ARL6: variants seen among roughly 807,000 people sequenced by gnomAD.
The protein encoded by ARL6 is ARF like GTPase 6.
In ARL6, 18 loss-of-function variants were observed where a neutral mutation model predicts 27.1. That is an observed-to-expected ratio of 0.66 (90% CI 0.46 to 0.98). The LOEUF is 0.98. ARL6 is among the 50% of genes least tolerant of loss of function. The pLI, the probability that ARL6 is intolerant of heterozygous loss-of-function variation, is 0.00. For missense variants in ARL6, 187 were observed against 214.9 expected, an observed-to-expected ratio of 0.87 and a Z score of 0.81; for synonymous variants, 65 against 72.3, an observed-to-expected ratio of 0.90 and a Z score of 0.51.
Position 97,799,913 on chromosome 3 carries a change from G to A in ARL6, c.*1864G>A, listed in dbSNP as rs1244216571. 6.6e-6 allele frequency: 1 copy of A among 152,092 alleles called. No individual in the cohort carries two copies. Among genetic ancestry groups the A allele is most frequent in the Non-Finnish European group, 1.5e-5 (1 of 67,962 alleles). 9.4% of individuals were successfully genotyped at this position (152,092 alleles called of 1,614,324 possible). On this transcript the variant is annotated 3_prime_UTR_variant, in exon 8 of 8. Transcript: ENST00000463745. ...TATCTGCCAGAATAACAATTAAAAT[G>A]ATAGAAAAGGCTCTTACTTGGGACA...
chr3:97,782,598 T>C (rs1251974922), intron 4 of ARL6, among the ~76,000 whole-genome samples: 1 of 151,994 alleles, frequency 6.6e-6, no homozygotes, highest in East Asian at 1.9e-4. Flanking sequence ...CCTGTGAGAA[T>C]GTAATATCTT....
intron 2 of ARL6, among the ~76,000 whole-genome samples, chr3:97,768,479 C>G (rs2036490267): frequency 6.6e-6 from 1 of 151,918 alleles, no homozygotes; most frequent in African/African-American, 2.4e-5. Flanking sequence ...ACTGAGTTTA[C>G]TTTAAATGTC....
rs1014572587 is a variant in ARL6, at chr3:97,776,799, G to A, written c.124-3360G>A. 1.1e-4 allele frequency among the ~76,000 whole-genome samples: 16 copies of A among 152,086 alleles called. No individual in the cohort carries two copies. In the South Asian group the frequency reaches 1.4e-3, roughly 14 times the overall value. On this transcript the variant is annotated intron_variant, in intron 2 of 7. Coordinates refer to ENST00000463745, the MANE Select transcript of ARL6 (RefSeq NM_001278293.3). Reference sequence around the variant, plus strand: ...AGTCTCCTGAGTAGCTGGGATTACAGGCACGCGCCACCACACCCCACTACT... The same window carrying A: ...AGTCTCCTGAGTAGCTGGGATTACAAGCACGCGCCACCACACCCCACTACT...
chr3:97,798,314 T>A lies in ARL6; in HGVS notation c.*265T>A, dbSNP rs2038098600. 1 of 355,220 alleles carries A rather than the reference T, an allele frequency of 2.8e-6. No individual in the cohort carries two copies. Among genetic ancestry groups the A allele is most frequent in the Non-Finnish European group, 5.2e-6 (1 of 193,502 alleles). 22.0% of individuals were successfully genotyped at this position (355,220 alleles called of 1,614,324 possible). A position where few individuals can be genotyped will look rare whatever the true frequency, so the allele number is the denominator to read the frequency against. ...CTACATTTGATTGTACGTAGAATGT[T>A]TAAAAGTCAGTTATAAGCCATCTCA... On this transcript the variant is annotated 3_prime_UTR_variant, in exon 8 of 8. Coordinates refer to ENST00000463745, the MANE Select transcript of ARL6 (RefSeq NM_001278293.3).
chr3:97,788,922 A>G (rs2037591565), intron 6 of ARL6, among the ~76,000 whole-genome samples: 1 of 152,210 alleles, frequency 6.6e-6, no homozygotes, highest in Non-Finnish European at 1.5e-5. Flanking sequence ...CTCTGCTGTA[A>G]GAGGTCCTTT....
In ARL6 at chr3:97,797,962, A is replaced by G. The variant is rs1301825658; in HGVS notation, c.536-62A>G. 5 of 1,466,242 alleles carry G rather than the reference A, an allele frequency of 3.4e-6. No individual in the cohort carries two copies. In the East Asian group the frequency reaches 1.1e-4, roughly 33 times the overall value. The allele number at this position is 1,466,242 out of a possible 1,614,324, so 90.8% of individuals were successfully genotyped here. A position where few individuals can be genotyped will look rare whatever the true frequency, so the allele number is the denominator to read the frequency against. On this transcript the variant is annotated intron_variant, in intron 7 of 7. Coordinates refer to ENST00000463745, the MANE Select transcript of ARL6 (RefSeq NM_001278293.3). ...ATGTTGTATAGATTTGACTTAGATTACTTTAGAAAATAGATTTTGCCCTAT... is the reference window on the plus strand; with the variant it reads ...ATGTTGTATAGATTTGACTTAGATTGCTTTAGAAAATAGATTTTGCCCTAT...
At chr3:97,767,106 T>C (rs373106688) in intron 1 of ARL6, among the ~76,000 whole-genome samples, 1 of 152,292 alleles carries the variant, frequency 6.6e-6, no homozygotes, top group South Asian at 2.1e-4. Context: ...TATTTTTGGA[T>C]TGCTGATAGT....
At chr3:97,786,935 C>G (rs2037486881) in intron 5 of ARL6, among the ~76,000 whole-genome samples, 1 of 152,134 alleles carries the variant, frequency 6.6e-6, no homozygotes, top group African/African-American at 2.4e-5. Flanking sequence ...TGGAAACACT[C>G]ATTCTTATAC....
intron 4 of ARL6, 67 bp from the exon 5 acceptor site, chr3:97,784,888 A>G (rs2037373292): frequency 1.7e-5 from 19 of 1,135,238 alleles, no homozygotes; most frequent in Non-Finnish European, 2.4e-5. Flanking sequence ...GGAAATGCCC[A>G]TGGATAATAA....
At chr3:97,786,017 G>T (rs993322135) in intron 5 of ARL6, among the ~76,000 whole-genome samples, 1 of 152,028 alleles carries the variant, frequency 6.6e-6, no homozygotes, top group African/African-American at 2.4e-5. Flanking sequence ...AAAATTATCC[G>T]CCCTGTACAT....
Position 97,791,777 on chromosome 3 carries a change from T to C in ARL6, c.486T>C (p.Ser162=), listed in dbSNP as rs200126831. 1.2e-6 allele frequency: 2 copies of C among 1,613,676 alleles called. No homozygotes were observed. The highest frequency in any genetic ancestry group is 2.2e-5 in the East Asian group (1 of 44,780). The change falls in exon 7 of 8, where the codon AGT becomes AGC. Residue 162 remains serine (S), a synonymous_variant. Transcript: ENST00000463745. ...CTTATGGATTTCATTTCAGTGCTAG[T>C]GATGCCATAAAAGGAGAAGGCTTGC... The part of the protein sequence containing the change: ...IKDKPWHICA[S]DAIKGEGLQE...
chr3:97,792,601 T>C (rs934082996), intron 7 of ARL6, among the ~76,000 whole-genome samples: 1 of 152,208 alleles, frequency 6.6e-6, no homozygotes, highest in African/African-American at 2.4e-5. Flanking sequence ...TTATTGATAT[T>C]TTGTATATTT....
intron 2 of ARL6, among the ~76,000 whole-genome samples, chr3:97,779,649 A>G (rs1055352180): frequency 6.6e-6 from 1 of 151,998 alleles, no homozygotes; most frequent in African/African-American, 2.4e-5. Flanking sequence ...GGCAGATCAC[A>G]AGGTTAGGAG....
At chr3:97,779,857 C>A (rs1451141638) in intron 2 of ARL6, among the ~76,000 whole-genome samples, 2 of 149,536 alleles carry the variant, frequency 1.3e-5, no homozygotes, top group African/African-American at 2.5e-5. Context: ...CAGAGTGAGA[C>A]TCTATCTCAA....
chr3:97,797,406 C>T (rs2038054525), intron 7 of ARL6, among the ~76,000 whole-genome samples: 1 of 151,998 alleles, frequency 6.6e-6, no homozygotes, highest in South Asian at 2.1e-4. Flanking sequence ...CCTGTCTTAG[C>T]TGTGAATAGC....
At chr3:97,769,993 T>C (rs1342253438) in intron 2 of ARL6, among the ~76,000 whole-genome samples, 4 of 152,084 alleles carry the variant, frequency 2.6e-5, no homozygotes, top group Admixed American at 2.6e-4. Context: ...TGCTATAAAC[T>C]TGGGAGTGCA....
chr3:97,771,056 G>A (rs1020944377), intron 2 of ARL6, among the ~76,000 whole-genome samples: 2 of 151,946 alleles, frequency 1.3e-5, no homozygotes, highest in African/African-American at 4.8e-5. Context: ...TTCTGTGAAT[G>A]TTATTGGTAT....
rs570207858 is a variant in ARL6, at chr3:97,798,281, G to A, written c.*232G>A. 1.6e-5 allele frequency: 8 copies of A among 490,302 alleles called. 1 individual carries two copies. The South Asian group carries it at 1.8e-4, about 11-fold the overall frequency. The allele number at this position is 490,302 out of a possible 1,614,324, so 30.4% of individuals were successfully genotyped here. Reference sequence around the variant, plus strand: ...GCTCCCTAGAATTATCAAGTTCTTAGTGAAGGTCTACATTTGATTGTACGT... The same window carrying A: ...GCTCCCTAGAATTATCAAGTTCTTAATGAAGGTCTACATTTGATTGTACGT... On this transcript the variant is annotated 3_prime_UTR_variant, in exon 8 of 8. Transcript: ENST00000463745.
intron 7 of ARL6, among the ~76,000 whole-genome samples, chr3:97,794,533 TGTAA>T (rs2037907358): frequency 6.6e-6 from 1 of 152,066 alleles, no homozygotes; most frequent in Non-Finnish European, 1.5e-5. Flanking sequence ...ATATTTTCTG[TGTAA>T]TAACAAATAG....
Sources: allele counts gnomAD v4.1 joint callset (sites outside exome capture counted in the v4.1 genomes callset), GRCh38; gene constraint gnomAD v4.1.1; transcripts MANE v1.5; gene names NCBI Gene and HGNC (gene_info 2026-07-23, HGNC 2026-07-21).